The following POFUT3 variants were observed in gnomAD, a reference collection of about 807,000 sequenced individuals.
POFUT3 encodes the protein protein O-fucosyltransferase 3, also known as GDP-fucose protein O-fucosyltransferase 3.
At chr8:33,472,937 G>C in the POFUT3 span, 1 of 152,352 alleles carries the variant, frequency 6.6e-6, no homozygotes, top group Non-Finnish European at 1.5e-5. Context: ...TCCTTAGGCT[G>C]TGACTCCCGG....
At chr8:33,457,307 G>A in the POFUT3 span, among the ~76,000 whole-genome samples, 1 of 151,792 alleles carries the variant, frequency 6.6e-6, no homozygotes, top group Non-Finnish European at 1.5e-5. Flanking sequence ...AAATTAGCTG[G>A]GCATGGTGGC....
At chr8:33,344,062 C>T in the POFUT3 span, among the ~76,000 whole-genome samples, 170 of 152,218 alleles carry the variant, frequency 1.1e-3, no homozygotes, top group African/African-American at 3.7e-3. Context: ...TCCATTTTTC[C>T]GTTAGTTCGT....
chr8:33,388,585 C>T, the POFUT3 span, among the ~76,000 whole-genome samples: 3 of 152,068 alleles, frequency 2.0e-5, no homozygotes, highest in South Asian at 4.1e-4. Flanking sequence ...GATCCACCCA[C>T]CTCAACCTCC....
chr8:33,405,386 T>C, the POFUT3 span, among the ~76,000 whole-genome samples: 2 of 152,238 alleles, frequency 1.3e-5, no homozygotes, highest in Middle Eastern at 3.4e-3. Context: ...CAGACAAGTA[T>C]GGCAGTTTTA....
At chr8:33,465,808 T>A in the POFUT3 span, among the ~76,000 whole-genome samples, 1 of 151,892 alleles carries the variant, frequency 6.6e-6, no homozygotes, top group Non-Finnish European at 1.5e-5. Flanking sequence ...CAGAAGTGAG[T>A]CTAGATATCA....
the POFUT3 span, among the ~76,000 whole-genome samples, chr8:33,429,741 A>C: frequency 6.6e-6 from 1 of 152,122 alleles, no homozygotes; most frequent in East Asian, 1.9e-4. Context: ...CACACCTGTA[A>C]TCCCAGCACT....
At chr8:33,318,628 T>C in the POFUT3 span, among the ~76,000 whole-genome samples, 1 of 89,882 alleles carries the variant, frequency 1.1e-5, no homozygotes, top group African/African-American at 5.9e-5. Context: ...TATATTTATA[T>C]AATATATAAA....
the POFUT3 span, chr8:33,453,481 C>T: frequency 3.7e-6 from 6 of 1,611,578 alleles, no homozygotes; most frequent in Non-Finnish European, 5.1e-6. Context: ...TAAACTCCTT[C>T]CTTTCAAACT....
the POFUT3 span, among the ~76,000 whole-genome samples, chr8:33,470,785 A>G: frequency 6.6e-6 from 1 of 152,214 alleles, no homozygotes; most frequent in Non-Finnish European, 1.5e-5. Flanking sequence ...AAATGTAGCT[A>G]ATATTTCACA....
the POFUT3 span, among the ~76,000 whole-genome samples, chr8:33,430,390 T>C: frequency 2.0e-4 from 31 of 152,262 alleles, no homozygotes; most frequent in African/African-American, 7.2e-4. Context: ...AGTGTGATCG[T>C]TTGCCTTTGC....
At chr8:33,468,045 G>A in the POFUT3 span, among the ~76,000 whole-genome samples, 8 of 152,194 alleles carry the variant, frequency 5.3e-5, no homozygotes, top group African/African-American at 1.9e-4. Flanking sequence ...TTTGAGACCA[G>A]CCTGGACAAC....
the POFUT3 span, among the ~76,000 whole-genome samples, chr8:33,350,149 A>C: frequency 2.0e-5 from 3 of 151,862 alleles, no homozygotes; most frequent in African/African-American, 7.3e-5. Context: ...TTCCTTGTAG[A>C]TTCTGGATAT....
At chr8:33,389,120 T>A in the POFUT3 span, 1 of 1,614,200 alleles carries the variant, frequency 6.2e-7, no homozygotes, top group South Asian at 1.1e-5. Flanking sequence ...CAGCTTCCAT[T>A]CTACATAGGC....
At chr8:33,441,656 C>A in the POFUT3 span, among the ~76,000 whole-genome samples, 1 of 152,062 alleles carries the variant, frequency 6.6e-6, no homozygotes, top group Non-Finnish European at 1.5e-5. Flanking sequence ...GCTGGGATTA[C>A]AGGCACGAGC....
At chr8:33,454,076 A>G in the POFUT3 span, among the ~76,000 whole-genome samples, 1 of 152,190 alleles carries the variant, frequency 6.6e-6, no homozygotes, top group Non-Finnish European at 1.5e-5. Flanking sequence ...GTAGTGAACT[A>G]TGATTGCACC....
the POFUT3 span, among the ~76,000 whole-genome samples, chr8:33,337,912 G>T: frequency 2.6e-5 from 4 of 152,208 alleles, no homozygotes; most frequent in Non-Finnish European, 5.9e-5. Context: ...ATGGCCACAT[G>T]CAGATGGCCA....
the POFUT3 span, among the ~76,000 whole-genome samples, chr8:33,458,447 G>A: frequency 1.3e-5 from 2 of 152,156 alleles, no homozygotes; most frequent in Non-Finnish European, 2.9e-5. Context: ...AGGCCTGGTG[G>A]CTCACGCCTG....
the POFUT3 span, among the ~76,000 whole-genome samples, chr8:33,368,676 T>C: frequency 3.3e-5 from 5 of 152,168 alleles, no homozygotes; most frequent in Non-Finnish European, 7.4e-5. Flanking sequence ...AGATTCAGAA[T>C]TGGGAAATGG....
chr8:33,338,651 G>C, the POFUT3 span, among the ~76,000 whole-genome samples: 1 of 152,310 alleles, frequency 6.6e-6, no homozygotes, highest in Non-Finnish European at 1.5e-5. Context: ...CCCCATTGCA[G>C]TATCAGTAGA....
Sources: allele counts gnomAD v4.1 joint callset (sites outside exome capture counted in the v4.1 genomes callset), GRCh38; gene constraint gnomAD v4.1.1; transcripts MANE v1.5; gene names NCBI Gene and HGNC (gene_info 2026-07-23, HGNC 2026-07-21).